Variants in SLC14A2 observed in about 807,000 individuals in gnomAD.
The protein encoded by SLC14A2 is urea transporter 2.
SLC14A2 carries 91 observed loss-of-function variants against 104.6 expected under a neutral mutation model. The observed-to-expected ratio is 0.87, with a 90% CI of 0.73 to 1.04. The LOEUF (loss-of-function observed/expected upper bound fraction) is 1.04, where lower values mean the gene tolerates loss of function less well. Ranked by LOEUF, SLC14A2 falls within the 50% of genes least tolerant of loss-of-function variation. SLC14A2 has a pLI of 0.00. For missense variants in SLC14A2, 1,189 were observed against 1,156.0 expected, an observed-to-expected ratio of 1.03 and a Z score of -0.41; for synonymous variants, 476 against 466.4, an observed-to-expected ratio of 1.02 and a Z score of -0.27.
chr18:45,407,333 T>A (rs1262386273), intron 1 of SLC14A2, among the ~76,000 whole-genome samples: 1 of 152,242 alleles, frequency 6.6e-6, no homozygotes, highest in African/African-American at 2.4e-5. Flanking sequence ...CTCTGAAGTT[T>A]CCTCACCTTT....
chr18:45,190,740 C>G, the SLC14A2 span, among the ~76,000 whole-genome samples: 1 of 152,166 alleles, frequency 6.6e-6, no homozygotes, highest in Non-Finnish European at 1.5e-5. Flanking sequence ...GAGTCAGGCA[C>G]TTTTGTCCAA....
chr18:45,522,369 C>T (rs1043693558), intron 2 of SLC14A2, among the ~76,000 whole-genome samples: 1 of 152,158 alleles, frequency 6.6e-6, no homozygotes. Context: ...GAGAAGGTAA[C>T]CCCGGAAGGT....
intron 1 of SLC14A2, among the ~76,000 whole-genome samples, chr18:45,233,205 A>G (rs1002697464): frequency 6.6e-6 from 1 of 152,204 alleles, no homozygotes; most frequent in Admixed American, 6.5e-5. Flanking sequence ...ACCTGAGTGA[A>G]CATCTTCCTG....
rs527435820 is a variant in SLC14A2, at chr18:45,338,550, A to C, written c.-125+125359A>C. On this transcript the variant is annotated intron_variant, in intron 1 of 20. Transcript: ENST00000586448. Reference sequence around the variant, plus strand: ...ACCAATGTATACCTTTCATGTATTGATTCATGATTTTACCTACAATTTCTG... The same window carrying C: ...ACCAATGTATACCTTTCATGTATTGCTTCATGATTTTACCTACAATTTCTG... 3.3e-5 allele frequency among the ~76,000 whole-genome samples: 5 copies of C among 151,992 alleles called. No homozygotes were observed. The East Asian group carries it at 9.7e-4, about 29-fold the overall frequency.
At chr18:45,539,221 A>AGT (rs1416054341) in intron 2 of SLC14A2, among the ~76,000 whole-genome samples, 6 of 152,222 alleles carry the variant, frequency 3.9e-5, no homozygotes, top group African/African-American at 7.2e-5. Flanking sequence ...AGGTTGCTAA[A>AGT]GTGATGGCTT....
chr18:45,228,524 G>A (rs1165385375), intron 1 of SLC14A2, among the ~76,000 whole-genome samples: 1 of 152,110 alleles, frequency 6.6e-6, no homozygotes, highest in Non-Finnish European at 1.5e-5. Flanking sequence ...TCATGTCCAG[G>A]TGACTGCCAC....
At chr18:45,239,067 A>G (rs1301909824) in intron 1 of SLC14A2, among the ~76,000 whole-genome samples, 1 of 152,222 alleles carries the variant, frequency 6.6e-6, no homozygotes, top group African/African-American at 2.4e-5. Flanking sequence ...GTTGAAAGAA[A>G]GTTTCCTACC....
At position 45,667,993 on chromosome 18, in the gene SLC14A2, C is replaced by A; in HGVS notation, c.1878C>A (p.Thr626=). The change falls in exon 14 of 20, where the codon ACC becomes ACA. Residue 626 remains threonine (T), a synonymous_variant. Transcript: ENST00000255226. ...GCTGCCTGGGTACCATCATGTCCAC[C>A]TTGACAGCCCTCATCCTGAGTCAGG... The part of the protein sequence containing the change: ...ISGCLGTIMS[T]LTALILSQDK... The A allele has an allele frequency of 1.2e-6, 2 of 1,614,126 alleles. No homozygotes were observed. The highest frequency in any genetic ancestry group is 8.5e-7 in the Non-Finnish European group (1 of 1,180,020).
At position 45,625,684 on chromosome 18, in the gene SLC14A2, A is replaced by G; in HGVS notation, c.152A>G (p.Asp51Gly). ...TGTCTGGTTGGTTTCTCCTAAAAGG[A>G]TCTCCGGTCTTCCAATGAAGACAGT... is the stretch of plus-strand genomic sequence containing the variant. The part of the protein sequence containing the change: ...LPLLEMPEEK[D>G]LRSSNEDSHI... Residue 51 changes from aspartate to glycine, a missense_variant and splice_region_variant, in exon 3 of 20, where the codon GAT becomes GGT. Transcript: ENST00000255226. 1 of 1,545,144 alleles carries G rather than the reference A, an allele frequency of 6.5e-7. No individual in the cohort carries two copies. The highest frequency in any genetic ancestry group is 8.7e-7 in the Non-Finnish European group (1 of 1,151,690).
At chr18:45,544,862 G>A (rs577217974) in intron 2 of SLC14A2, among the ~76,000 whole-genome samples, 23 of 146,562 alleles carry the variant, frequency 1.6e-4, no homozygotes, top group Admixed American at 7.7e-4. Context: ...GCACAATCGC[G>A]GCTCACTGCA....
At chr18:45,598,272 CCT>C (rs1219539750) in intron 2 of SLC14A2, among the ~76,000 whole-genome samples, 1 of 151,982 alleles carries the variant, frequency 6.6e-6, no homozygotes, top group African/African-American at 2.4e-5. Flanking sequence ...GCTCCAGTTC[CCT>C]GTTTGAAATG....
At chr18:45,433,242 C>A (rs909508218) in intron 1 of SLC14A2, among the ~76,000 whole-genome samples, 2 of 152,060 alleles carry the variant, frequency 1.3e-5, no homozygotes, top group African/African-American at 4.8e-5. Context: ...ATATAGTACC[C>A]CCTCAACATG....
At chr18:45,320,892 C>T (rs1303608112) in intron 1 of SLC14A2, among the ~76,000 whole-genome samples, 6 of 152,214 alleles carry the variant, frequency 3.9e-5, no homozygotes, top group Admixed American at 3.9e-4. Flanking sequence ...CCTTTGAACT[C>T]TGACTACAAC....
At chr18:45,609,424 T>A (rs1394789351) in intron 2 of SLC14A2, among the ~76,000 whole-genome samples, 1 of 152,198 alleles carries the variant, frequency 6.6e-6, no homozygotes. Context: ...AGGTGAGGCT[T>A]TTTATGTCTT....
At chr18:45,533,377 C>T (rs1425578877) in intron 2 of SLC14A2, among the ~76,000 whole-genome samples, 2 of 152,124 alleles carry the variant, frequency 1.3e-5, no homozygotes, top group East Asian at 1.9e-4. Context: ...AATTTCAGAG[C>T]CTGTTATTGG....
intron 1 of SLC14A2, among the ~76,000 whole-genome samples, chr18:45,328,777 G>A (rs1399766424): frequency 6.6e-6 from 1 of 152,186 alleles, no homozygotes; most frequent in Non-Finnish European, 1.5e-5. Context: ...TTTATGAAAA[G>A]CAAAGGAATT....
intron 2 of SLC14A2, among the ~76,000 whole-genome samples, chr18:45,548,571 A>G (rs2044008245): frequency 6.6e-6 from 1 of 152,158 alleles, no homozygotes; most frequent in Non-Finnish European, 1.5e-5. Flanking sequence ...ATGCGTGGTG[A>G]CATGCACCTG....
At chr18:45,182,709 A>C in the SLC14A2 span, among the ~76,000 whole-genome samples, 1 of 152,134 alleles carries the variant, frequency 6.6e-6, no homozygotes, top group Admixed American at 6.5e-5. Context: ...AAAATATATA[A>C]AGTAGAAGAG....
At chr18:45,596,337 C>A (rs139621259) in intron 2 of SLC14A2, among the ~76,000 whole-genome samples, 1 of 152,198 alleles carries the variant, frequency 6.6e-6, no homozygotes, top group Non-Finnish European at 1.5e-5. Context: ...TGGAGGCATG[C>A]GCAGCTAGAA....
Sources: allele counts gnomAD v4.1 joint callset (sites outside exome capture counted in the v4.1 genomes callset), GRCh38; gene constraint gnomAD v4.1.1; transcripts MANE v1.5; gene names NCBI Gene and HGNC (gene_info 2026-07-23, HGNC 2026-07-21).